The following CHRM3 variants were observed in gnomAD, a reference collection of about 807,000 sequenced individuals.
CHRM3 encodes muscarinic acetylcholine receptor M3.
In CHRM3, 11 loss-of-function variants were observed where a neutral mutation model predicts 41.8. That is an observed-to-expected ratio of 0.26 (90% confidence interval 0.17 to 0.44). CHRM3 has a LOEUF of 0.44. CHRM3 is among the 20% of genes least tolerant of loss of function. The pLI, the probability that CHRM3 is intolerant of heterozygous loss-of-function variation, is 1.00. For missense variants in CHRM3, 571 were observed against 745.4 expected (o/e 0.77, Z 2.72); for synonymous variants, 297 against 301.4 (o/e 0.99, Z 0.15).
chr1:239,480,196 T>C (rs1666741429), intron 1 of CHRM3, among the ~76,000 whole-genome samples: 1 of 152,052 alleles, frequency 6.6e-6, no homozygotes, highest in Admixed American at 6.6e-5. Context: ...TGCACTAAGA[T>C]GAAATACTGA....
Position 239,388,466 on chromosome 1 carries a change from T to C in CHRM3, c.-521+1239T>C, listed in dbSNP as rs1044110170. On this transcript the variant is annotated intron_variant, in intron 1 of 6. Coordinates refer to ENST00000676153, the MANE Select transcript of CHRM3 (RefSeq NM_001375978.1). The stretch of plus-strand genomic sequence containing the variant: ...AATTTTTAACTGGGTGCAGTGATTA[T>C]ATAGTCCAGATAATTTCATATTGTG... 2.0e-5 allele frequency among the ~76,000 whole-genome samples: 3 copies of C among 152,250 alleles called. No individual in the cohort carries two copies. The South Asian group carries it at 6.2e-4, about 31-fold the overall frequency.
chr1:239,405,104 T>C (rs925963019), intron 1 of CHRM3, among the ~76,000 whole-genome samples: 6 of 152,160 alleles, frequency 3.9e-5, no homozygotes, highest in African/African-American at 1.4e-4. Flanking sequence ...ATAAAGGTCT[T>C]CTATAAATAA....
chr1:239,651,988 T>C (rs1013107312), intron 4 of CHRM3, among the ~76,000 whole-genome samples: 1 of 63,486 alleles, frequency 1.6e-5, no homozygotes, highest in African/African-American at 7.3e-5. Flanking sequence ...AGTTTTTGTT[T>C]TTTTTTTTTT....
intron 1 of CHRM3, among the ~76,000 whole-genome samples, chr1:239,480,927 T>G (rs1666812361): frequency 6.6e-6 from 1 of 152,178 alleles, no homozygotes; most frequent in South Asian, 2.1e-4. Context: ...CTACAGCCAC[T>G]AACTTGCAGA....
intron 6 of CHRM3, among the ~76,000 whole-genome samples, chr1:239,878,147 C>A (rs957512627): frequency 6.6e-6 from 1 of 151,788 alleles, no homozygotes; most frequent in Non-Finnish European, 1.5e-5. Flanking sequence ...GCTTCGGCCT[C>A]CCAAAGTGTT....
chr1:239,515,956 G>A (rs941401816), intron 2 of CHRM3, among the ~76,000 whole-genome samples: 2 of 152,190 alleles, frequency 1.3e-5, no homozygotes, highest in African/African-American at 4.8e-5. Context: ...TGTTGAATGG[G>A]ATTGTAGGAT....
chr1:239,442,451 CT>C (rs542929419), intron 1 of CHRM3, among the ~76,000 whole-genome samples: 213 of 145,646 alleles, frequency 1.5e-3, no homozygotes, highest in South Asian at 3.7e-3. Context: ...AGAGAAAACC[CT>C]TTTTTTTTTT....
intron 1 of CHRM3, among the ~76,000 whole-genome samples, chr1:239,487,760 A>G (rs979655954): frequency 6.6e-6 from 1 of 151,764 alleles, no homozygotes; most frequent in African/African-American, 2.4e-5. Flanking sequence ...ATAAATCTTC[A>G]TGTCTAAGGG....
At chr1:239,426,468 C>CA (rs11333335) in intron 1 of CHRM3, among the ~76,000 whole-genome samples, 4,334 of 103,176 alleles carry the variant, frequency 0.042, 153 homozygotes, top group African/African-American at 0.096. Flanking sequence ...ACTCACCCCG[C>CA]AAAAAAAAAA....
chr1:239,611,284 T>C (rs2148750327), intron 3 of CHRM3, among the ~76,000 whole-genome samples: 1 of 152,126 alleles, frequency 6.6e-6, no homozygotes, highest in East Asian at 1.9e-4. Context: ...GTAAACTGAG[T>C]CCTTCTCGAT....
At chr1:239,818,200 T>C (rs1671749011) in intron 5 of CHRM3, among the ~76,000 whole-genome samples, 1 of 152,112 alleles carries the variant, frequency 6.6e-6, no homozygotes, top group African/African-American at 2.4e-5. Flanking sequence ...AGTTTTCCTC[T>C]CTGTACCCAC....
intron 6 of CHRM3, among the ~76,000 whole-genome samples, chr1:239,889,120 G>C (rs1313890604): frequency 2.6e-5 from 4 of 152,272 alleles, no homozygotes; most frequent in Middle Eastern, 3.4e-3. Flanking sequence ...CTCTCTGCTG[G>C]AGAGAGGGGT....
chr1:239,912,543 C>T lies in CHRM3; in HGVS notation c.*3319C>T, dbSNP rs1439676252. On this transcript the variant is annotated 3_prime_UTR_variant, in exon 7 of 7. Coordinates refer to ENST00000676153, the MANE Select transcript of CHRM3 (RefSeq NM_001375978.1). Reference sequence around the variant, plus strand: ...TCCTACGTTGCCCTCGTGCAGGGCTCATTGCTCTGCAGAGCGCTGGAAGCC... The same window carrying T: ...TCCTACGTTGCCCTCGTGCAGGGCTTATTGCTCTGCAGAGCGCTGGAAGCC... 6.0e-6 allele frequency: 1 copy of T among 167,120 alleles called. No individual in the cohort carries two copies. Among genetic ancestry groups the T allele is most frequent in the African/African-American group, 2.4e-5 (1 of 41,446 alleles). The allele number at this position is 167,120 out of a possible 1,614,324, so 10.4% of individuals were successfully genotyped here.
chr1:239,802,141 G>C (rs1670269590), intron 5 of CHRM3, among the ~76,000 whole-genome samples: 1 of 151,960 alleles, frequency 6.6e-6, no homozygotes, highest in Non-Finnish European at 1.5e-5. Context: ...CTTTGTACAA[G>C]TTCAAGTTTG....
chr1:239,711,075 T>C (rs1049047695), intron 5 of CHRM3, among the ~76,000 whole-genome samples: 3 of 152,156 alleles, frequency 2.0e-5, no homozygotes, highest in Non-Finnish European at 2.9e-5. Context: ...AAGTGAGGCC[T>C]TCCTCTGGGC....
chr1:239,663,912 T>C (rs529042113), intron 4 of CHRM3, among the ~76,000 whole-genome samples: 4 of 152,094 alleles, frequency 2.6e-5, no homozygotes, highest in Non-Finnish European at 4.4e-5. Context: ...TAGGATGAAA[T>C]GTTGGTTGGT....
rs371636879 is a variant in CHRM3 at position 239,575,425 on chromosome 1, C to G, written c.-313+29676C>G. 2.0e-4 allele frequency among the ~76,000 whole-genome samples: 30 copies of G among 152,184 alleles called. No individual in the cohort carries two copies. The East Asian group carries it at 4.6e-3, about 24-fold the overall frequency. ...AGTCCTAATAAAGCTCAGGGACAAC[C>G]CAAATAATTCATATTCTTTTATTGT... On this transcript the variant is annotated intron_variant, in intron 3 of 6. Coordinates refer to ENST00000676153, the MANE Select transcript of CHRM3 (RefSeq NM_001375978.1).
intron 1 of CHRM3, among the ~76,000 whole-genome samples, chr1:239,411,119 C>T (rs1163569573): frequency 6.6e-6 from 1 of 152,050 alleles, no homozygotes; most frequent in East Asian, 1.9e-4. Flanking sequence ...TGTTGGCTCA[C>T]ACAATCATTA....
chr1:239,582,853 T>G (rs1663027401), intron 3 of CHRM3, among the ~76,000 whole-genome samples: 1 of 152,176 alleles, frequency 6.6e-6, no homozygotes, highest in Admixed American at 6.6e-5. Context: ...TCCAGTGTCT[T>G]TCATTAGGAT....
Sources: gnomAD v4.1 joint callset for allele counts (sites outside exome capture counted in the v4.1 genomes callset) on GRCh38, gnomAD v4.1.1 for gene constraint, MANE v1.5 for transcripts, NCBI Gene and HGNC (gene_info 2026-07-23, HGNC 2026-07-21) for gene names.